Variants in DLGAP2 observed in about 807,000 individuals in gnomAD.
The protein encoded by DLGAP2 is DLG associated protein 2, also known as disks large-associated protein 2.
A neutral mutation model predicts 100.3 loss-of-function variants in DLGAP2; 26 were observed. The ratio of observed to expected loss-of-function variants is 0.26; its 90% CI spans 0.19 to 0.36. The LOEUF (loss-of-function observed/expected upper bound fraction) is 0.36. Ranked by LOEUF, DLGAP2 falls within the 10% of genes least tolerant of loss-of-function variation. The pLI is 1.00. For synonymous variants in DLGAP2, 886 were observed against 630.1 expected (o/e 1.41, Z -6.08); for missense variants, 1,858 against 1,453.2 (o/e 1.28, Z -4.53).
intron 2 of DLGAP2, among the ~76,000 whole-genome samples, chr8:1,140,198 A>G (rs1040309121): frequency 1.3e-5 from 2 of 152,160 alleles, no homozygotes; most frequent in Admixed American, 6.5e-5. Flanking sequence ...CCAGGGTGAC[A>G]TGAAACTCCG....
At chr8:815,862 A>G (rs1404919203) in intron 1 of DLGAP2, among the ~76,000 whole-genome samples, 1 of 152,230 alleles carries the variant, frequency 6.6e-6, no homozygotes, top group Non-Finnish European at 1.5e-5. Context: ...TCTTAGATGT[A>G]GTAATTGTTT....
At chr8:841,412 G>A (rs1585920663) in intron 1 of DLGAP2, among the ~76,000 whole-genome samples, 1 of 152,156 alleles carries the variant, frequency 6.6e-6, no homozygotes, top group Non-Finnish European at 1.5e-5. Flanking sequence ...AGATGTTCAT[G>A]TTGCCCATAT....
At chr8:795,577 A>G (rs147764866) in intron 1 of DLGAP2, among the ~76,000 whole-genome samples, 14 of 151,998 alleles carry the variant, frequency 9.2e-5, no homozygotes, top group Admixed American at 9.2e-4. Context: ...GCAGTGGAAA[A>G]TTGTGCATCG....
intron 2 of DLGAP2, among the ~76,000 whole-genome samples, chr8:1,249,890 C>A (rs947120620): frequency 6.6e-6 from 1 of 151,792 alleles, no homozygotes; most frequent in Non-Finnish European, 1.5e-5. Context: ...ACTTTATTTT[C>A]TTTTTTTTGA....
At chr8:920,675 C>G (rs1296950883) in intron 2 of DLGAP2, among the ~76,000 whole-genome samples, 1 of 152,096 alleles carries the variant, frequency 6.6e-6, no homozygotes, top group Admixed American at 6.5e-5. Context: ...TGCTTTAGCC[C>G]AGGAGGCAGA....
chr8:1,617,827 T>A lies in DLGAP2; in HGVS notation c.1443-8913T>A, dbSNP rs113429122. On this transcript the variant is annotated intron_variant, in intron 6 of 14. Transcript: ENST00000637795. The stretch of plus-strand genomic sequence containing the variant: ...GCTAAAGCTCAATGTTAAAAATATT[T>A]GATTAACCCAAAAGAAAGCAAAAAG... Among the ~76,000 whole-genome samples the A allele has an allele frequency of 1.5e-3, 232 of 152,328 alleles. 1 individual carries two copies. The highest frequency in any genetic ancestry group is 5.2e-3 in the African/African-American group (215 of 41,572).
intron 3 of DLGAP2, among the ~76,000 whole-genome samples, chr8:1,299,601 G>A (rs1800281973): frequency 6.6e-6 from 1 of 152,154 alleles, no homozygotes; most frequent in Non-Finnish European, 1.5e-5. Flanking sequence ...CGTTCCTGCT[G>A]GGATATTCAT....
chr8:936,835 A>G (rs534587732), intron 2 of DLGAP2, among the ~76,000 whole-genome samples: 3 of 152,322 alleles, frequency 2.0e-5, no homozygotes, highest in East Asian at 3.9e-4. Flanking sequence ...CTTTTGAATA[A>G]AAGTGCTGAC....
chr8:1,104,107 GC>G (rs1157515831), intron 2 of DLGAP2, among the ~76,000 whole-genome samples: 1 of 152,186 alleles, frequency 6.6e-6, no homozygotes, highest in Non-Finnish European at 1.5e-5. Flanking sequence ...TTTCCTTCAT[GC>G]CAAGGCAGAG....
At chr8:1,210,497 C>T (rs1280658725) in intron 2 of DLGAP2, among the ~76,000 whole-genome samples, 1 of 152,186 alleles carries the variant, frequency 6.6e-6, no homozygotes, top group Non-Finnish European at 1.5e-5. Context: ...CTGAGGCGGG[C>T]AGGCAGCTCA....
At chr8:907,136 G>A (rs2128998681) in intron 1 of DLGAP2, among the ~76,000 whole-genome samples, 1 of 152,310 alleles carries the variant, frequency 6.6e-6, no homozygotes, top group Non-Finnish European at 1.5e-5. Context: ...TGGGTAAATT[G>A]CCCTAGAACA....
At chr8:1,360,847 C>T (rs561328636) in intron 3 of DLGAP2, among the ~76,000 whole-genome samples, 1 of 152,320 alleles carries the variant, frequency 6.6e-6, no homozygotes, top group African/African-American at 2.4e-5. Flanking sequence ...CGTCTGCACA[C>T]GACGGTGAGA....
At chr8:1,560,296 C>T (rs953882954) in intron 5 of DLGAP2, among the ~76,000 whole-genome samples, 1 of 152,190 alleles carries the variant, frequency 6.6e-6, no homozygotes, top group African/African-American at 2.4e-5. Flanking sequence ...ATCTTTTCAT[C>T]ACTAAATGCA....
intron 2 of DLGAP2, among the ~76,000 whole-genome samples, chr8:975,549 A>G (rs772303694): frequency 6.6e-6 from 1 of 152,192 alleles, no homozygotes; most frequent in Non-Finnish European, 1.5e-5. Context: ...ATTTTACACC[A>G]TGACCAAGCT....
At chr8:954,445 A>G (rs1799551671) in intron 2 of DLGAP2, among the ~76,000 whole-genome samples, 1 of 152,232 alleles carries the variant, frequency 6.6e-6, no homozygotes, top group Admixed American at 6.5e-5. Context: ...CTGTAATACT[A>G]AAATTTGGAA....
chr8:988,015 A>G (rs982137431), intron 2 of DLGAP2, among the ~76,000 whole-genome samples: 1 of 152,172 alleles, frequency 6.6e-6, no homozygotes, highest in Non-Finnish European at 1.5e-5. Context: ...TTCTAGCACC[A>G]TTGAATTTTC....
At chr8:898,765 C>A (rs972650447) in intron 1 of DLGAP2, among the ~76,000 whole-genome samples, 1 of 152,168 alleles carries the variant, frequency 6.6e-6, no homozygotes, top group Non-Finnish European at 1.5e-5. Flanking sequence ...TTGTGCTCAC[C>A]GTTCTTCTGG....
At chr8:965,896 A>C (rs950490998) in intron 2 of DLGAP2, among the ~76,000 whole-genome samples, 1 of 152,122 alleles carries the variant, frequency 6.6e-6, no homozygotes, top group African/African-American at 2.4e-5. Flanking sequence ...TCACCACCGC[A>C]TGTGGCTCCT....
intron 2 of DLGAP2, among the ~76,000 whole-genome samples, chr8:1,077,871 C>T (rs1015329652): frequency 6.6e-6 from 1 of 152,210 alleles, no homozygotes; most frequent in Admixed American, 6.5e-5. Flanking sequence ...ACAGCTGTCT[C>T]AGCACACGCC....
Sources: allele counts gnomAD v4.1 joint callset (sites outside exome capture counted in the v4.1 genomes callset), GRCh38; gene constraint gnomAD v4.1.1; transcripts MANE v1.5; gene names NCBI Gene and HGNC (gene_info 2026-07-23, HGNC 2026-07-21).